Variants in DNAH3 observed in about 807,000 individuals in gnomAD.
The protein encoded by DNAH3 is axonemal beta dynein heavy chain 3.
Under a neutral mutation model 432.5 loss-of-function variants are expected in DNAH3, and 332 were observed. That is an observed-to-expected ratio of 0.77 (90% confidence interval 0.70 to 0.84). DNAH3 has a LOEUF of 0.84. DNAH3 is among the 40% of genes least tolerant of loss of function. DNAH3 has a pLI of 0.00. For missense variants in DNAH3, 4,861 were observed against 5,114.0 expected, an observed-to-expected ratio of 0.95 and a Z score of 1.51; for synonymous variants, 1,956 against 1,900.2, an observed-to-expected ratio of 1.03 and a Z score of -0.76.
chr16:21,076,012 G>T (rs2090962695), intron 20 of DNAH3, among the ~76,000 whole-genome samples: 1 of 149,580 alleles, frequency 6.7e-6, no homozygotes, highest in Admixed American at 6.7e-5. Context: ...TTACTATCCT[G>T]CTCTAAGATC....
exon 53 of DNAH3, chr16:20,964,560 A>G (rs758660356): frequency 1.9e-6 from 3 of 1,614,066 alleles, no homozygotes; most frequent in African/African-American, 2.7e-5. Flanking sequence ...TGTAGTTGCT[A>G]TCAGAGAACT....
chr16:21,000,213 C>CA lies in DNAH3; in HGVS notation c.6421+10dup. On this transcript the variant is annotated intron_variant, in intron 43 of 61. Coordinates refer to ENST00000261383, the Ensembl canonical transcript of DNAH3. Reference sequence around the variant, plus strand: ...AATCTGGTTGTGTCCAGACCCAGCCCAATGCCTTACCCACAAACACCACTG... The same window carrying CA: ...AATCTGGTTGTGTCCAGACCCAGCCCAAATGCCTTACCCACAAACACCACTG... 1.2e-6 allele frequency: 2 copies of CA among 1,610,522 alleles called. No individual in the cohort carries two copies. The highest frequency in any genetic ancestry group is 1.7e-6 in the Non-Finnish European group (2 of 1,177,842).
intron 41 of DNAH3, among the ~76,000 whole-genome samples, chr16:21,018,398 T>G (rs1169909352): frequency 1.3e-5 from 2 of 152,218 alleles, no homozygotes; most frequent in Non-Finnish European, 2.9e-5. Context: ...GATCTTAATT[T>G]TCTTCTATTC....
chr16:21,040,593 T>C (rs1375151678), intron 32 of DNAH3, among the ~76,000 whole-genome samples: 2 of 151,878 alleles, frequency 1.3e-5, no homozygotes, highest in African/African-American at 2.4e-5. Flanking sequence ...CTTGAACTCC[T>C]GACCTCAGAT....
intron 8 of DNAH3, among the ~76,000 whole-genome samples, chr16:21,125,955 C>T (rs1352022176): frequency 6.6e-6 from 1 of 152,032 alleles, no homozygotes; most frequent in Non-Finnish European, 1.5e-5. Flanking sequence ...GAGACCAGCC[C>T]GGCCAACATG....
At chr16:20,984,509 G>C (rs1034334559) in intron 48 of DNAH3, among the ~76,000 whole-genome samples, 1 of 152,212 alleles carries the variant, frequency 6.6e-6, no homozygotes, top group Non-Finnish European at 1.5e-5. Flanking sequence ...GAAAACCCGA[G>C]ATGTCATTCT....
At chr16:20,979,671 A>T in intron 49 of DNAH3, 125 bp from the exon 50 acceptor site, 1 of 833,604 alleles carries the variant, frequency 1.2e-6, no homozygotes, top group Admixed American at 2.2e-5. Context: ...TTAGAATCCA[A>T]ACTCTCTGAG....
chr16:21,036,861 A>T lies in DNAH3; in HGVS notation c.4951-13T>A. 1 of 1,598,978 alleles carries T rather than the reference A, an allele frequency of 6.3e-7. No individual in the cohort carries two copies. Among genetic ancestry groups the T allele is most frequent in the Non-Finnish European group, 8.6e-7 (1 of 1,168,806 alleles). On this transcript the variant is annotated splice_polypyrimidine_tract_variant and intron_variant, in intron 34 of 61. Coordinates refer to ENST00000261383, the Ensembl canonical transcript of DNAH3. ...CAGATATAATTCCCTGTTAAAAAGAATTTAAAAGAAAGTGGAAAGGATAAA... is the reference window on the plus strand; with the variant it reads ...CAGATATAATTCCCTGTTAAAAAGATTTTAAAAGAAAGTGGAAAGGATAAA...
chr16:21,034,656 G>A (rs935038863), intron 35 of DNAH3, among the ~76,000 whole-genome samples: 1 of 152,200 alleles, frequency 6.6e-6, no homozygotes, highest in African/African-American at 2.4e-5. Context: ...TGCTCCTTTA[G>A]ACTGTGACTC....
chr16:20,970,977 C>T (rs948022984), intron 51 of DNAH3, among the ~76,000 whole-genome samples: 1 of 150,350 alleles, frequency 6.7e-6, no homozygotes, highest in African/African-American at 2.5e-5. Context: ...AAGTGATTCT[C>T]GCACTTCAGG....
rs2089967735 is a variant in DNAH3, at chr16:21,051,849, CTT to C, written c.4057_4058del (p.Lys1353ValfsTer3). 1 of 1,614,158 alleles carries C rather than the reference CTT, an allele frequency of 6.2e-7. No individual in the cohort carries two copies. Among genetic ancestry groups the C allele is most frequent in the Non-Finnish European group, 8.5e-7 (1 of 1,180,046 alleles). On this transcript the variant is annotated frameshift_variant, in exon 29 of 62. Transcript: ENST00000261383. LOFTEE classifies it high-confidence loss of function. ...GATCGGAGACCCTGTCCTCAGATAA[CTT>C]GGCCACCACGTCGCGGGCTGTTGGG...
intron 14 of DNAH3, among the ~76,000 whole-genome samples, chr16:21,107,629 G>A (rs2152801570): frequency 6.6e-6 from 1 of 152,220 alleles, no homozygotes; most frequent in South Asian, 2.1e-4. Context: ...CCATTACTGG[G>A]ACTACCAGGT....
At chr16:21,041,136 CG>C (rs1293124005) in intron 32 of DNAH3, among the ~76,000 whole-genome samples, 2 of 152,012 alleles carry the variant, frequency 1.3e-5, no homozygotes, top group Non-Finnish European at 2.9e-5. Context: ...TTTGGGAGGC[CG>C]AGGCAGGCAA....
chr16:21,092,362 TAGAGA>T (rs1211626883), intron 18 of DNAH3, among the ~76,000 whole-genome samples: 1 of 152,058 alleles, frequency 6.6e-6, no homozygotes, highest in Non-Finnish European at 1.5e-5. Flanking sequence ...GGCAATATAA[TAGAGA>T]AAAGATAGCC....
chr16:20,998,197 C>T (rs1221648914), intron 43 of DNAH3, among the ~76,000 whole-genome samples: 2 of 152,122 alleles, frequency 1.3e-5, no homozygotes, highest in Non-Finnish European at 2.9e-5. Context: ...AATAGTTGAA[C>T]TTCAATGGGA....
At chr16:21,022,384 G>C (rs1197075257) in intron 39 of DNAH3, among the ~76,000 whole-genome samples, 1 of 152,184 alleles carries the variant, frequency 6.6e-6, no homozygotes, top group African/African-American at 2.4e-5. Context: ...GTCAGCTACA[G>C]GATGCATAAA....
chr16:21,102,522 T>C (rs926128501), intron 16 of DNAH3, among the ~76,000 whole-genome samples: 6 of 152,146 alleles, frequency 3.9e-5, no homozygotes, highest in African/African-American at 1.4e-4. Flanking sequence ...TCTCAGATCA[T>C]CTCATTTCAT....
intron 14 of DNAH3, 61 bp from the exon 15 acceptor site, chr16:21,106,735 T>C (rs914534241): frequency 7.6e-7 from 1 of 1,319,294 alleles, no homozygotes; most frequent in South Asian, 2.4e-5. Flanking sequence ...CCATCTAAAA[T>C]GACTTTCTTG....
intron 55 of DNAH3, among the ~76,000 whole-genome samples, chr16:20,954,379 CTCCCGG>C (rs1241323478): frequency 6.6e-6 from 1 of 150,956 alleles, no homozygotes; most frequent in East Asian, 2.0e-4. Flanking sequence ...CAAACTCCAC[CTCCCGG>C]TTGAAGCCAT....
Sources: allele counts gnomAD v4.1 joint callset (sites outside exome capture counted in the v4.1 genomes callset), GRCh38; gene constraint gnomAD v4.1.1; transcripts MANE v1.5; gene names NCBI Gene and HGNC (gene_info 2026-07-23, HGNC 2026-07-21).